SCGN: variants seen among roughly 807,000 people sequenced by gnomAD.
SCGN encodes secretagogin.
A neutral mutation model predicts 39.7 loss-of-function variants in SCGN; 30 were observed. The observed-to-expected ratio is 0.76, with a 90% confidence interval of 0.57 to 1.03. SCGN has a LOEUF of 1.03. SCGN is among the 50% of genes least tolerant of loss of function. SCGN has a pLI of 0.00. For synonymous variants in SCGN, 106 were observed against 114.1 expected, an observed-to-expected ratio of 0.93 and a Z score of 0.45; for missense variants, 353 against 349.4, an observed-to-expected ratio of 1.01 and a Z score of -0.08.
intron 6 of SCGN, among the ~76,000 whole-genome samples, chr6:25,678,218 T>C (rs1169738667): frequency 6.6e-6 from 1 of 152,064 alleles, no homozygotes; most frequent in Non-Finnish European, 1.5e-5. Flanking sequence ...AAAGCAGTGG[T>C]AGAGGTGGGA....
intron 7 of SCGN, among the ~76,000 whole-genome samples, chr6:25,683,841 T>C (rs1759668476): frequency 6.6e-6 from 1 of 152,220 alleles, no homozygotes. Flanking sequence ...CTTAACACAA[T>C]TCATATACCA....
intron 2 of SCGN, among the ~76,000 whole-genome samples, chr6:25,657,880 G>T (rs1760255770): frequency 6.6e-6 from 1 of 150,604 alleles, no homozygotes; most frequent in Non-Finnish European, 1.5e-5. Flanking sequence ...TGTTAGACTT[G>T]CTCTGTCTTA....
chr6:25,665,982 T>C (rs1156899190), intron 4 of SCGN, among the ~76,000 whole-genome samples: 1 of 151,748 alleles, frequency 6.6e-6, no homozygotes, highest in Non-Finnish European at 1.5e-5. Context: ...TTGGAAAAAT[T>C]CAGTCAGGAT....
chr6:25,659,803 T>A (rs191318207), intron 2 of SCGN, among the ~76,000 whole-genome samples: 2 of 152,190 alleles, frequency 1.3e-5, no homozygotes, highest in African/African-American at 4.8e-5. Flanking sequence ...TAAAGTGTTT[T>A]AGGACGTTTT....
At chr6:25,670,763 G>T (rs984213092) in intron 6 of SCGN, among the ~76,000 whole-genome samples, 20 of 152,284 alleles carry the variant, frequency 1.3e-4, no homozygotes, top group Non-Finnish European at 2.2e-4. Flanking sequence ...TTTGTGTCAA[G>T]CTCCATGGAG....
chr6:25,701,279 G>A lies in SCGN; in HGVS notation c.775G>A (p.Gly259Arg). The change falls in exon 11 of 11, where the codon GGA becomes AGA. Residue 259 changes from glycine to arginine, a missense_variant. Physicochemically the swap from Gly to Arg is moderately radical, Grantham distance 125. Coordinates refer to ENST00000377961, the MANE Select transcript of SCGN (RefSeq NM_006998.4). ...GCGTCACTGCGACGTGAACAAGGAT[G>A]GAAAAATTCAGAAGTCTGAGCTGGC... Reference protein sequence around the residue: ...LLRHCDVNKDGKIQKSELALC... With the variant: ...LLRHCDVNKDRKIQKSELALC... 6.2e-7 allele frequency: 1 copy of A among 1,613,604 alleles called. No individual in the cohort carries two copies.
At chr6:25,690,991 A>G in intron 9 of SCGN, 65 bp from the exon 10 acceptor site, 1 of 1,249,784 alleles carries the variant, frequency 8.0e-7, no homozygotes, top group Non-Finnish European at 1.2e-6. Flanking sequence ...TATTTACCTA[A>G]GTTATTGCCT....
intron 6 of SCGN, among the ~76,000 whole-genome samples, chr6:25,676,753 A>C (rs770762767): frequency 1.3e-5 from 2 of 152,104 alleles, no homozygotes; most frequent in Non-Finnish European, 2.9e-5. Context: ...TCAGTATTTT[A>C]CTTATCTGTC....
At chr6:25,664,593 TTAAA>T (rs1200304859) in intron 3 of SCGN, among the ~76,000 whole-genome samples, 1 of 152,248 alleles carries the variant, frequency 6.6e-6, no homozygotes, top group Non-Finnish European at 1.5e-5. Context: ...TATTATGGAA[TTAAA>T]TTAATTTAGT....
intron 4 of SCGN, among the ~76,000 whole-genome samples, chr6:25,666,293 T>A (rs1246692514): frequency 6.6e-6 from 1 of 151,814 alleles, no homozygotes; most frequent in Non-Finnish European, 1.5e-5. Flanking sequence ...GAGGCGGAGT[T>A]GTAGTGAGCA....
chr6:25,700,262 A>AAT (rs372443335), intron 10 of SCGN, among the ~76,000 whole-genome samples: 1 of 150,398 alleles, frequency 6.6e-6, no homozygotes, highest in East Asian at 1.9e-4. Flanking sequence ...AAAAAAAAAA[A>AAT]TTTTGGGCCA....
At chr6:25,669,691 A>G in intron 5 of SCGN, 124 bp downstream of exon 5, 1 of 753,886 alleles carries the variant, frequency 1.3e-6, no homozygotes, top group South Asian at 1.6e-5. Flanking sequence ...AAAAATACAT[A>G]CATATGTACA....
At chr6:25,666,385 G>A (rs556922550) in intron 4 of SCGN, among the ~76,000 whole-genome samples, 2 of 151,930 alleles carry the variant, frequency 1.3e-5, no homozygotes, top group East Asian at 3.9e-4. Context: ...ACTTTTTCAG[G>A]CATCTATTTT....
intron 10 of SCGN, among the ~76,000 whole-genome samples, chr6:25,697,562 G>A (rs1355086963): frequency 6.6e-6 from 1 of 152,136 alleles, no homozygotes; most frequent in Admixed American, 6.5e-5. Context: ...TATTTTAAGA[G>A]AATTGGAATG....
At chr6:25,680,335 A>G (rs1009209587) in intron 6 of SCGN, among the ~76,000 whole-genome samples, 1 of 152,226 alleles carries the variant, frequency 6.6e-6, no homozygotes, top group Non-Finnish European at 1.5e-5. Context: ...CCAGGAAAGT[A>G]GAAGAGCAGA....
At chr6:25,653,039 A>G (rs1259973700) in intron 1 of SCGN, among the ~76,000 whole-genome samples, 29 of 152,364 alleles carry the variant, frequency 1.9e-4, no homozygotes, top group Admixed American at 1.9e-3. Flanking sequence ...GCAAACTGGG[A>G]TTCAATACTT....
chr6:25,698,850 C>A lies in SCGN; in HGVS notation c.703-2357C>A, dbSNP rs537427761. ...AGGCCTACTCTGGTGTTTATTTTTC[C>A]TGCTCTGCCATCTGGCTCCCAATTT... is the stretch of plus-strand genomic sequence containing the variant. On this transcript the variant is annotated intron_variant, in intron 10 of 10. Coordinates refer to ENST00000377961, the MANE Select transcript of SCGN (RefSeq NM_006998.4). Among the ~76,000 whole-genome samples, 35 of 152,266 alleles carry A rather than the reference C, an allele frequency of 2.3e-4. 3 individuals are homozygous for A. In the South Asian group the frequency reaches 7.0e-3, roughly 31 times the overall value.
chr6:25,659,725 C>A (rs9467554), intron 2 of SCGN, among the ~76,000 whole-genome samples: 2,015 of 152,306 alleles, frequency 0.013, 28 homozygotes, highest in African/African-American at 0.036. Context: ...TTTCTACTCA[C>A]TGGAAAACAT....
At chr6:25,675,963 G>A (rs772167572) in intron 6 of SCGN, among the ~76,000 whole-genome samples, 7 of 152,102 alleles carry the variant, frequency 4.6e-5, no homozygotes, top group Non-Finnish European at 8.8e-5. Context: ...CACTTGAATT[G>A]CATGCCTAAT....
Sources: allele counts gnomAD v4.1 joint callset (sites outside exome capture counted in the v4.1 genomes callset), GRCh38; gene constraint gnomAD v4.1.1; transcripts MANE v1.5; gene names NCBI Gene and HGNC (gene_info 2026-07-23, HGNC 2026-07-21).